Variants in KIF20B observed in about 807,000 individuals in gnomAD.
KIF20B encodes the protein kinesin-like protein KIF20B.
A neutral mutation model predicts 232.5 loss-of-function variants in KIF20B; 188 were observed. That is an observed-to-expected ratio of 0.81 (90% CI 0.72 to 0.91). The LOEUF is 0.91. KIF20B is among the 40% of genes least tolerant of loss of function. KIF20B has a pLI of 0.00. For missense variants in KIF20B, 2,154 were observed against 2,055.9 expected (o/e 1.05, Z -0.92); for synonymous variants, 712 against 683.0 (o/e 1.04, Z -0.66).
At chr10:89,765,416 C>T (rs1407593957) in intron 29 of KIF20B, among the ~76,000 whole-genome samples, 1 of 152,136 alleles carries the variant, frequency 6.6e-6, no homozygotes, top group Non-Finnish European at 1.5e-5. Context: ...ACATTCCATG[C>T]TCATGTGTAG....
In KIF20B at chr10:89,732,800, GA is replaced by G. The variant is rs370466791; in HGVS notation, c.2392-99del. ...ACTTAGAAAATGTCTCAACAAATTT[GA>G]AAATAAAATTTTTATGGTACACCAT... On this transcript the variant is annotated intron_variant, in intron 18 of 32. Coordinates refer to ENST00000371728, the MANE Select transcript of KIF20B (RefSeq NM_001284259.2). The G allele has an allele frequency of 2.6e-5, 27 of 1,052,856 alleles. 1 individual carries two copies. Among genetic ancestry groups the G allele is most frequent in the East Asian group, 1.2e-4 (4 of 34,456 alleles). The allele number at this position is 1,052,856 out of a possible 1,614,324, so 65.2% of individuals were successfully genotyped here.
At chr10:89,733,854 A>G (rs1023673019) in intron 19 of KIF20B, among the ~76,000 whole-genome samples, 2 of 152,220 alleles carry the variant, frequency 1.3e-5, no homozygotes, top group Non-Finnish European at 1.5e-5. Flanking sequence ...GGAATCCTGT[A>G]ATGAAATTGC....
intron 18 of KIF20B, among the ~76,000 whole-genome samples, chr10:89,729,916 G>A (rs376401308): frequency 1.3e-5 from 2 of 152,224 alleles, no homozygotes; most frequent in African/African-American, 4.8e-5. Context: ...TAATAATGTA[G>A]TAAGCTGAGT....
chr10:89,717,227 A>C (rs1842952957), intron 9 of KIF20B, among the ~76,000 whole-genome samples, 197 bp from the exon 10 acceptor site: 1 of 152,210 alleles, frequency 6.6e-6, no homozygotes. Flanking sequence ...AGAGCTAGGC[A>C]AAAGGTGATT....
At chr10:89,708,544 T>C (rs2182396) in intron 2 of KIF20B, among the ~76,000 whole-genome samples, 47,442 of 152,060 alleles carry the variant, frequency 0.31, 8,390 homozygotes, top group African/African-American at 0.47. Flanking sequence ...TAGAATTTAC[T>C]GTTAAACTAC....
At position 89,738,234 on chromosome 10, in the gene KIF20B, A is replaced by G. The variant is rs1841709620; in HGVS notation, c.3393A>G (p.Lys1131=). The part of the protein sequence containing the change: ...IQQLKEELQE[K]NVTLDVQIQH... ...AGCTGAAAGAAGAATTGCAAGAAAA[A>G]AATGTTACTCTTGATGTTCAAATAC... Residue 1131 remains lysine (K), a synonymous_variant, in exon 20 of 33, where the codon AAA becomes AAG. Transcript: ENST00000371728. The G allele has an allele frequency of 1.9e-6, 3 of 1,602,884 alleles. No individual in the cohort carries two copies. Among genetic ancestry groups the G allele is most frequent in the African/African-American group, 2.7e-5 (2 of 73,950 alleles).
chr10:89,772,494 T>G (rs1842483484), intron 31 of KIF20B, among the ~76,000 whole-genome samples, 195 bp from the exon 32 acceptor site: 1 of 152,058 alleles, frequency 6.6e-6, no homozygotes, highest in African/African-American at 2.4e-5. Context: ...CATTATTTCA[T>G]GTTCTCTTGA....
At chr10:89,771,513 C>G (rs2133182334) in intron 31 of KIF20B, among the ~76,000 whole-genome samples, 1 of 152,142 alleles carries the variant, frequency 6.6e-6, no homozygotes, top group Middle Eastern at 3.4e-3. Context: ...GCATTATAAT[C>G]TCTTAAGGGA....
intron 19 of KIF20B, among the ~76,000 whole-genome samples, chr10:89,735,435 G>A (rs2133123356): frequency 6.6e-6 from 1 of 151,266 alleles, no homozygotes; most frequent in East Asian, 1.9e-4. Context: ...AAAATATAAA[G>A]AGCTGAGATG....
intron 23 of KIF20B, among the ~76,000 whole-genome samples, chr10:89,749,771 G>T (rs533496599): frequency 2.6e-5 from 4 of 151,938 alleles, no homozygotes; most frequent in East Asian, 3.8e-4. Context: ...ATAATATTCC[G>T]CATTTTATGT....
At chr10:89,713,104 A>T (rs2133089002) in intron 6 of KIF20B, among the ~76,000 whole-genome samples, 1 of 152,318 alleles carries the variant, frequency 6.6e-6, no homozygotes, top group South Asian at 2.1e-4. Flanking sequence ...TCATGCCTGT[A>T]ATCTCAGAAC....
intron 23 of KIF20B, among the ~76,000 whole-genome samples, chr10:89,747,483 A>G (rs1841938028): frequency 1.3e-5 from 2 of 151,692 alleles, no homozygotes; most frequent in African/African-American, 4.9e-5. Context: ...CTTGGAACCA[A>G]TCCAAATGTC....
At chr10:89,717,948 A>G (rs1301106454) in intron 11 of KIF20B, among the ~76,000 whole-genome samples, 2 of 152,172 alleles carry the variant, frequency 1.3e-5, no homozygotes, top group Admixed American at 6.5e-5. Flanking sequence ...TTCCATGGCA[A>G]ATCTATACCA....
intron 6 of KIF20B, 104 bp from the exon 7 acceptor site, chr10:89,713,943 G>A: frequency 2.2e-6 from 1 of 446,106 alleles, no homozygotes; most frequent in Non-Finnish European, 4.0e-6. Context: ...GTAGATGAAA[G>A]GTTGTGATTT....
intron 5 of KIF20B, 148 bp downstream of exon 5, chr10:89,710,213 C>CTTTTT: frequency 2.3e-6 from 1 of 441,198 alleles, no homozygotes; most frequent in Non-Finnish European, 3.5e-6. Context: ...TTACGTATTG[C>CTTTTT]TGTTTTTTTT....
chr10:89,716,687 C>G, intron 9 of KIF20B, 140 bp downstream of exon 9: 1 of 602,322 alleles, frequency 1.7e-6, no homozygotes. Flanking sequence ...ATTTGGTATA[C>G]AGAATAACAC....
intron 4 of KIF20B, 41 bp downstream of exon 4, chr10:89,709,502 G>A (rs755293250): frequency 1.5e-6 from 2 of 1,341,876 alleles, no homozygotes; most frequent in South Asian, 2.4e-5. Flanking sequence ...TAAAGATAAA[G>A]AGACTTGGCT....
In KIF20B at chr10:89,752,583, G is replaced by C; in HGVS notation, c.4239G>C (p.Lys1413Asn). Residue 1413 changes from lysine (K) to asparagine (N), a missense_variant, in exon 25 of 33, where the codon AAG (lysine) becomes AAC (asparagine). By Grantham distance (94) the Lys-to-Asn change is moderately conservative (BLOSUM62 0). Coordinates refer to ENST00000371728, the MANE Select transcript of KIF20B (RefSeq NM_001284259.2). ...ERLATELEKW[K>N]EKCNDLETKN... ...TCAAATCAGAATTGGAAAAATGGAA[G>C]GAAAAATGCAATGATTTGGAAACCA... 6.3e-7 allele frequency: 1 copy of C among 1,597,516 alleles called. No homozygotes were observed. The highest frequency in any genetic ancestry group is 1.7e-4 in the Middle Eastern group (1 of 5,998).
chr10:89,772,510 A>C (rs1434288368), intron 31 of KIF20B, among the ~76,000 whole-genome samples, 179 bp from the exon 32 acceptor site: 1 of 151,430 alleles, frequency 6.6e-6, no homozygotes, highest in Non-Finnish European at 1.5e-5. Flanking sequence ...CTTGACATTT[A>C]CTTTTTTTCT....
Sources: allele counts gnomAD v4.1 joint callset (sites outside exome capture counted in the v4.1 genomes callset), GRCh38; gene constraint gnomAD v4.1.1; transcripts MANE v1.5; gene names NCBI Gene and HGNC (gene_info 2026-07-23, HGNC 2026-07-21).